EPHA6: variants seen among roughly 807,000 people sequenced by gnomAD.
EPHA6 encodes ephrin type-A receptor 6.
Under a neutral mutation model 112.0 loss-of-function variants are expected in EPHA6, and 50 were observed. The observed-to-expected ratio is 0.45, with a 90% CI of 0.36 to 0.56. The LOEUF (loss-of-function observed/expected upper bound fraction) is 0.56. EPHA6 is among the 20% of genes least tolerant of loss of function. The pLI, the probability that EPHA6 is intolerant of heterozygous loss-of-function variation, is 0.00. For synonymous variants in EPHA6, 529 were observed against 490.7 expected, an observed-to-expected ratio of 1.08 and a Z score of -1.03; for missense variants, 1,280 against 1,417.4, an observed-to-expected ratio of 0.90 and a Z score of 1.56.
chr3:97,138,819 G>C (rs2075825237), intron 3 of EPHA6, among the ~76,000 whole-genome samples: 1 of 152,204 alleles, frequency 6.6e-6, no homozygotes, highest in African/African-American at 2.4e-5. Context: ...ATCACAGACA[G>C]GGATTCTTGC....
intron 2 of EPHA6, among the ~76,000 whole-genome samples, chr3:96,970,783 A>G (rs571701342): frequency 1.1e-4 from 16 of 152,118 alleles, no homozygotes; most frequent in African/African-American, 3.8e-4. Context: ...AACTTTTCAC[A>G]TACTTTTGGT....
At chr3:96,851,976 A>G (rs2035417440) in intron 1 of EPHA6, among the ~76,000 whole-genome samples, 2 of 152,138 alleles carry the variant, frequency 1.3e-5, no homozygotes, top group South Asian at 4.1e-4. Flanking sequence ...ATGTAGGGAA[A>G]GTCTTAATGA....
intron 2 of EPHA6, among the ~76,000 whole-genome samples, chr3:96,884,239 T>C (rs1194481096): frequency 6.6e-6 from 1 of 152,186 alleles, no homozygotes; most frequent in African/African-American, 2.4e-5. Context: ...AGAAATGTTT[T>C]TTCTAATTTT....
intron 1 of EPHA6, among the ~76,000 whole-genome samples, chr3:96,819,608 G>T (rs1271498470): frequency 2.6e-5 from 4 of 152,020 alleles, no homozygotes; most frequent in Non-Finnish European, 5.9e-5. Flanking sequence ...TTACAAACAT[G>T]CTGGAAATCA....
chr3:97,573,743 A>G (rs1314984299), intron 11 of EPHA6, among the ~76,000 whole-genome samples: 1 of 152,152 alleles, frequency 6.6e-6, no homozygotes, highest in African/African-American at 2.4e-5. Context: ...TAGGCAGAAA[A>G]TGGAAAGGAA....
At chr3:97,039,684 A>G (rs2045246441) in intron 3 of EPHA6, among the ~76,000 whole-genome samples, 1 of 151,976 alleles carries the variant, frequency 6.6e-6, no homozygotes, top group Admixed American at 6.6e-5. Context: ...TGGTTTTTCA[A>G]TGAATGTTTA....
At chr3:97,147,211 A>T (rs1272162062) in intron 3 of EPHA6, among the ~76,000 whole-genome samples, 1 of 152,082 alleles carries the variant, frequency 6.6e-6, no homozygotes, top group Non-Finnish European at 1.5e-5. Flanking sequence ...CAGCTTTCTG[A>T]TAGAATGAAA....
intron 13 of EPHA6, among the ~76,000 whole-genome samples, chr3:97,635,319 T>C (rs1560212749): frequency 1.3e-5 from 2 of 152,106 alleles, no homozygotes; most frequent in East Asian, 1.9e-4. Context: ...ATGATTGAAA[T>C]GAAAGCAGTT....
chr3:96,835,385 A>T (rs1014843331), intron 1 of EPHA6, among the ~76,000 whole-genome samples: 21 of 152,046 alleles, frequency 1.4e-4, no homozygotes, highest in African/African-American at 5.1e-4. Flanking sequence ...TTTGTATAGG[A>T]CGTGAAGCTT....
intron 3 of EPHA6, among the ~76,000 whole-genome samples, chr3:97,105,986 A>G (rs2047555871): frequency 6.6e-6 from 1 of 151,534 alleles, no homozygotes; most frequent in South Asian, 2.1e-4. Flanking sequence ...CTTTTTTCTG[A>G]TTTCCGTTTG....
In EPHA6 at chr3:97,246,800, C is replaced by A. The variant is rs188840274; in HGVS notation, c.1606+2513C>A. 6.6e-5 allele frequency among the ~76,000 whole-genome samples: 10 copies of A among 151,838 alleles called. No individual in the cohort carries two copies. The East Asian group carries it at 1.4e-3, about 21-fold the overall frequency. The stretch of plus-strand genomic sequence containing the variant: ...ATAATTTTGAGAGATACCAAGAAGA[C>A]CCCCTCTTCTTGTGCTTGAAATTCT... On this transcript the variant is annotated intron_variant, in intron 5 of 17. Transcript: ENST00000389672.
At chr3:97,298,526 T>G (rs1456329034) in intron 5 of EPHA6, among the ~76,000 whole-genome samples, 1 of 152,214 alleles carries the variant, frequency 6.6e-6, no homozygotes, top group East Asian at 1.9e-4. Context: ...AAAAAGGAAC[T>G]ATACTCCTGG....
chr3:97,101,397 T>C (rs2047398791), intron 3 of EPHA6, among the ~76,000 whole-genome samples: 1 of 152,038 alleles, frequency 6.6e-6, no homozygotes, highest in Non-Finnish European at 1.5e-5. Flanking sequence ...ATTTGTTGTT[T>C]GTGTGTCTGT....
chr3:97,585,889 A>T (rs2093483247), intron 11 of EPHA6, among the ~76,000 whole-genome samples: 1 of 152,190 alleles, frequency 6.6e-6, no homozygotes, highest in Non-Finnish European at 1.5e-5. Context: ...TAAAAAATAG[A>T]TGTGGCAATA....
intron 3 of EPHA6, among the ~76,000 whole-genome samples, chr3:97,202,415 C>A (rs1162376059): frequency 6.6e-6 from 1 of 151,300 alleles, no homozygotes; most frequent in Non-Finnish European, 1.5e-5. Flanking sequence ...CAGGCACCAT[C>A]TTGGCTCACT....
rs1170197805 is a variant in EPHA6, at chr3:96,994,732, T to TATATAGAGAG, written c.1114+6740_1114+6741insTATAGAGAGA. ...GTGTATATATATATATATATATATA[T>TATATAGAGAG]AGAGAGAGAGAGAGAGAGAGAGAGA... On this transcript the variant is annotated intron_variant, in intron 3 of 17. Transcript: ENST00000389672. Among the ~76,000 whole-genome samples the TATATAGAGAG allele has an allele frequency of 4.4e-3, 359 of 82,168 alleles. 2 individuals carry two copies. The highest frequency in any genetic ancestry group is 0.033 in the Admixed American group (218 of 6,648). The allele number at this position is 82,168 out of a possible 152,430, so 53.9% of individuals were successfully genotyped here.
chr3:97,369,500 C>T (rs964291078), intron 5 of EPHA6, among the ~76,000 whole-genome samples: 5 of 152,120 alleles, frequency 3.3e-5, no homozygotes, highest in Admixed American at 2.0e-4. Flanking sequence ...TCCAAATTTT[C>T]GACTTTAGCA....
At chr3:96,973,155 A>G (rs200591971) in intron 2 of EPHA6, among the ~76,000 whole-genome samples, 1 of 152,146 alleles carries the variant, frequency 6.6e-6, no homozygotes, top group Non-Finnish European at 1.5e-5. Context: ...ACAAAAATTC[A>G]TATGTGGATG....
rs980164790 is a variant in EPHA6, at chr3:97,668,585, A to C, written c.2784+30503A>C. ...TTGAATACCACTAATTCCACCAATG[A>C]AGGCCCACTTCTAATACCCATTATG... On this transcript the variant is annotated intron_variant, in intron 14 of 17. Transcript: ENST00000389672. Among the ~76,000 whole-genome samples the C allele has an allele frequency of 6.1e-4, 93 of 152,078 alleles. 2 individuals are homozygous for C. Among genetic ancestry groups the C allele is most frequent in the Non-Finnish European group, 1.9e-4 (13 of 68,012 alleles).
Sources: gnomAD v4.1 joint callset for allele counts (sites outside exome capture counted in the v4.1 genomes callset) on GRCh38, gnomAD v4.1.1 for gene constraint, MANE v1.5 for transcripts, NCBI Gene and HGNC (gene_info 2026-07-23, HGNC 2026-07-21) for gene names.